The following LHFPL2 variants were observed in gnomAD, a reference collection of about 807,000 sequenced individuals.
LHFPL2 encodes LHFPL tetraspan subfamily member 2, also known as LHFPL tetraspan subfamily member 2 protein.
A neutral mutation model predicts 17.5 loss-of-function variants in LHFPL2; 7 were observed. The ratio of observed to expected loss-of-function variants is 0.40; its 90% confidence interval spans 0.23 to 0.75. The LOEUF is 0.75. LHFPL2 is among the 30% of genes least tolerant of loss of function. The pLI, the probability that LHFPL2 is intolerant of heterozygous loss-of-function variation, is 0.37. For synonymous variants in LHFPL2, 134 were observed against 116.2 expected (o/e 1.15, Z -0.99); for missense variants, 241 against 294.8 (o/e 0.82, Z 1.34).
intron 3 of LHFPL2, among the ~76,000 whole-genome samples, chr5:78,552,134 ATTT>A (rs372439802): frequency 1.2e-3 from 170 of 140,436 alleles, no homozygotes; most frequent in East Asian, 4.2e-3. Context: ...CATGTCAGTG[ATTT>A]TTTTTTTTTT....
chr5:78,574,802 C>T (rs1561345942), intron 2 of LHFPL2, among the ~76,000 whole-genome samples: 1 of 152,230 alleles, frequency 6.6e-6, no homozygotes, highest in Admixed American at 6.5e-5. Flanking sequence ...GGTTCCTGAG[C>T]TTTCGCTTAC....
intron 1 of LHFPL2, among the ~76,000 whole-genome samples, chr5:78,646,170 A>G (rs1745871723): frequency 6.6e-6 from 1 of 152,188 alleles, no homozygotes; most frequent in African/African-American, 2.4e-5. Context: ...CCTGCACTAC[A>G]AACTCCCTGG....
chr5:78,577,736 T>C (rs1757167746), intron 2 of LHFPL2, among the ~76,000 whole-genome samples: 1 of 152,080 alleles, frequency 6.6e-6, no homozygotes, highest in African/African-American at 2.4e-5. Flanking sequence ...GGAGAAAATC[T>C]TTCCCAGGCC....
rs945905301 is a variant in LHFPL2, at chr5:78,488,701, A to C, written c.*196T>G. 2 of 615,430 alleles carry C rather than the reference A, an allele frequency of 3.2e-6. No individual in the cohort carries two copies. Among genetic ancestry groups the C allele is most frequent in the Non-Finnish European group, 5.7e-6 (2 of 349,284 alleles). 38.1% of individuals were successfully genotyped at this position (615,430 alleles called of 1,614,324 possible). On this transcript the variant is annotated 3_prime_UTR_variant, in exon 5 of 5. Transcript: ENST00000380345. The stretch of plus-strand genomic sequence containing the variant: ...ATACTATTTTCATGTTCCATTCCTT[A>C]TAATGTGCACTGCAGACCGCATGTC...
At position 78,486,909 on chromosome 5, in the gene LHFPL2, T is replaced by G. The variant is rs1004698614; in HGVS notation, c.*1988A>C. ...AAGAAAAGTGAGTCTTCTGATAAGT[T>G]TATGGAAAAATTTTGTGTTTTTCAT... On this transcript the variant is annotated 3_prime_UTR_variant, in exon 5 of 5. Coordinates refer to ENST00000380345, the MANE Select transcript of LHFPL2 (RefSeq NM_005779.3). 6.6e-6 allele frequency: 1 copy of G among 152,202 alleles called. No homozygotes were observed. Among genetic ancestry groups the G allele is most frequent in the African/African-American group, 2.4e-5 (1 of 41,436 alleles). 9.4% of individuals were successfully genotyped at this position (152,202 alleles called of 1,614,324 possible). A position where few individuals can be genotyped will look rare whatever the true frequency, so the allele number is the denominator to read the frequency against.
intron 3 of LHFPL2, among the ~76,000 whole-genome samples, chr5:78,522,989 C>T (rs1755502464): frequency 6.6e-6 from 1 of 151,966 alleles, no homozygotes; most frequent in Non-Finnish European, 1.5e-5. Context: ...CCCAGATGGT[C>T]GCATAAAAAC....
chr5:78,529,417 T>G (rs1755713680), intron 3 of LHFPL2, among the ~76,000 whole-genome samples: 1 of 152,180 alleles, frequency 6.6e-6, no homozygotes, highest in Non-Finnish European at 1.5e-5. Context: ...TGTGAAAGGT[T>G]GAAAAGCAGA....
chr5:78,517,206 C>T (rs530999661), intron 3 of LHFPL2, among the ~76,000 whole-genome samples: 6 of 152,342 alleles, frequency 3.9e-5, no homozygotes, highest in East Asian at 3.9e-4. Context: ...TCAGCTGCCT[C>T]GCAGCCCCTC....
At chr5:78,505,697 T>TC (rs1207092941) in intron 4 of LHFPL2, among the ~76,000 whole-genome samples, 2 of 152,220 alleles carry the variant, frequency 1.3e-5, no homozygotes, top group Non-Finnish European at 2.9e-5. Context: ...ATATCCCTGT[T>TC]CCGTAGAATG....
intron 2 of LHFPL2, among the ~76,000 whole-genome samples, chr5:78,627,980 T>C (rs1745111707): frequency 6.6e-6 from 1 of 152,142 alleles, no homozygotes; most frequent in African/African-American, 2.4e-5. Context: ...TGTTCCTGAG[T>C]AGCTGGCTGA....
At chr5:78,586,014 G>A (rs571187230) in intron 2 of LHFPL2, among the ~76,000 whole-genome samples, 12 of 152,304 alleles carry the variant, frequency 7.9e-5, no homozygotes, top group African/African-American at 4.8e-5. Flanking sequence ...CATGGTTCAC[G>A]TCTCTAAAGG....
chr5:78,515,684 T>C (rs1755270969), intron 3 of LHFPL2, among the ~76,000 whole-genome samples: 2 of 152,206 alleles, frequency 1.3e-5, no homozygotes, highest in African/African-American at 2.4e-5. Flanking sequence ...AAAAAGTACA[T>C]TCCTGGTCCC....
At chr5:78,623,240 A>T (rs1213953527) in intron 2 of LHFPL2, among the ~76,000 whole-genome samples, 1 of 152,240 alleles carries the variant, frequency 6.6e-6, no homozygotes, top group Non-Finnish European at 1.5e-5. Flanking sequence ...CACGAATATG[A>T]ACCAATCTTC....
chr5:78,508,656 T>C (rs565273478), intron 4 of LHFPL2, among the ~76,000 whole-genome samples: 4 of 152,280 alleles, frequency 2.6e-5, no homozygotes, highest in South Asian at 2.1e-4. Flanking sequence ...GTGAATTCGT[T>C]TGGGGGCTGC....
In LHFPL2 at chr5:78,509,780, T is replaced by C; in HGVS notation, c.430+4A>G. ...CCACCGTGCCCGGGGTCCTGCCTTC[T>C]TACCTGCAATTCCTTGCAACAGCCC... On this transcript the variant is annotated splice_donor_region_variant and intron_variant, in intron 4 of 4. Transcript: ENST00000380345. The C allele has an allele frequency of 6.2e-7, 1 of 1,606,322 alleles. No individual in the cohort carries two copies. Among genetic ancestry groups the C allele is most frequent in the African/African-American group, 1.3e-5 (1 of 74,840 alleles).
chr5:78,595,056 T>C (rs1325034581), intron 2 of LHFPL2, among the ~76,000 whole-genome samples: 2 of 152,142 alleles, frequency 1.3e-5, no homozygotes, highest in Non-Finnish European at 2.9e-5. Context: ...GTGTTTCGAA[T>C]TCACACTCAA....
At chr5:78,616,622 A>G (rs2112493220) in intron 2 of LHFPL2, among the ~76,000 whole-genome samples, 1 of 152,292 alleles carries the variant, frequency 6.6e-6, no homozygotes, top group Middle Eastern at 3.4e-3. Flanking sequence ...AAGGAAAAGG[A>G]TGCTAGAAGG....
intron 3 of LHFPL2, among the ~76,000 whole-genome samples, chr5:78,543,353 T>C (rs1756169781): frequency 6.6e-6 from 1 of 152,314 alleles, no homozygotes; most frequent in East Asian, 1.9e-4. Flanking sequence ...TCCACGTCCT[T>C]GATTTCCTCA....
At chr5:78,521,516 G>A (rs1755457919) in intron 3 of LHFPL2, among the ~76,000 whole-genome samples, 1 of 152,154 alleles carries the variant, frequency 6.6e-6, no homozygotes, top group African/African-American at 2.4e-5. Context: ...CAACACCATG[G>A]ATAGATTTAA....
Sources: gnomAD v4.1 joint callset for allele counts (sites outside exome capture counted in the v4.1 genomes callset) on GRCh38, gnomAD v4.1.1 for gene constraint, MANE v1.5 for transcripts, NCBI Gene and HGNC (gene_info 2026-07-23, HGNC 2026-07-21) for gene names.